TBL1Y: variants seen among roughly 807,000 people sequenced by gnomAD.
The protein encoded by TBL1Y is transducin beta like 1 Y-linked, also known as F-box-like/WD repeat-containing protein TBL1Y.
TBL1Y carries 15 observed loss-of-function variants against 12.0 expected under a neutral mutation model. The ratio of observed to expected loss-of-function variants is 1.25; its 90% CI spans 0.83 to 1.92. The LOEUF is 1.92. Among genes scored for constraint, TBL1Y ranks in the 40% most tolerant of loss-of-function variants. The probability of loss-of-function intolerance (pLI) is 0.00; values close to 1 mark genes in which losing one functional copy is unlikely to be tolerated. For synonymous variants in TBL1Y, 53 were observed against 42.6 expected, an observed-to-expected ratio of 1.24 and a Z score of -0.95; for missense variants, 148 against 116.7, an observed-to-expected ratio of 1.27 and a Z score of -1.24.
chrY:6,953,964 G>A, intron 2 of TBL1Y, among the ~76,000 whole-genome samples: 3 of 33,953 alleles, frequency 8.8e-5, no homozygotes, highest in Admixed American at 5.3e-4. Flanking sequence ...GTTTGCCTGG[G>A]TATCAGTAGT....
chrY:7,091,674 T>C lies in TBL1Y; in HGVS notation c.*182T>C. ...ACAGGAGTGTATATGTTTCATAATC[T>C]TTATCAAGAAGTTTGTTGTTTTTTT... On this transcript the variant is annotated 3_prime_UTR_variant, in exon 19 of 19. Coordinates refer to ENST00000383032, the MANE Select transcript of TBL1Y (RefSeq NM_033284.2). 1.1e-5 allele frequency: 1 copy of C among 90,962 alleles called. No individual in the cohort carries two copies. The highest frequency in any genetic ancestry group is 2.0e-5 in the Non-Finnish European group (1 of 49,652). 22.7% of individuals were successfully genotyped at this position (90,962 alleles called of 400,897 possible).
intron 8 of TBL1Y, among the ~76,000 whole-genome samples, chrY:7,066,799 G>A: frequency 3.2e-5 from 1 of 31,112 alleles, no homozygotes; most frequent in African/African-American, 1.3e-4. Flanking sequence ...GAAAGACCTC[G>A]GCTTTACAGA....
chrY:7,069,011 T>A, intron 8 of TBL1Y, among the ~76,000 whole-genome samples: 1 of 28,878 alleles, frequency 3.5e-5, no homozygotes, highest in Middle Eastern at 0.015. Context: ...TGGCAAGAGA[T>A]TTTTTTATTT....
At chrY:6,922,352 CG>C (rs2011786233) in intron 2 of TBL1Y, among the ~76,000 whole-genome samples, 9 of 34,377 alleles carry the variant, frequency 2.6e-4, no homozygotes, top group Non-Finnish European at 6.5e-4. Flanking sequence ...CTGATTGGTC[CG>C]TTTTGCAGAA....
intron 2 of TBL1Y, among the ~76,000 whole-genome samples, chrY:6,922,369 A>G: frequency 2.9e-5 from 1 of 34,475 alleles, no homozygotes; most frequent in Non-Finnish European, 7.3e-5. Context: ...CAGAAAGCCA[A>G]TTGGTCTGTT....
chrY:6,925,379 T>C (rs993254469), intron 2 of TBL1Y, among the ~76,000 whole-genome samples: 8 of 33,699 alleles, frequency 2.4e-4, no homozygotes, highest in Non-Finnish European at 4.4e-4. Flanking sequence ...AATTGAATCA[T>C]GAAGGTGGTT....
intron 2 of TBL1Y, among the ~76,000 whole-genome samples, chrY:6,967,348 A>C: frequency 1.2e-4 from 4 of 33,081 alleles, no homozygotes; most frequent in Non-Finnish European, 3.0e-4. Context: ...AGATTGAAGA[A>C]AATTACTATA....
Position 6,936,851 on chromosome Y carries a change from T to C in TBL1Y, c.-266+24679T>C, listed in dbSNP as rs771817981. On this transcript the variant is annotated intron_variant, in intron 2 of 18. Transcript: ENST00000383032. ...ATTCCAGGCTCTGTAAGGAGGCTTA[T>C]CTTTTTAGGATGGTTAAATTTTAGA... 2.7e-4 allele frequency among the ~76,000 whole-genome samples: 9 copies of C among 33,311 alleles called. No individual in the cohort carries two copies. In the East Asian group the frequency reaches 7.2e-3, roughly 27 times the overall value. 89.4% of individuals were successfully genotyped at this position (33,311 alleles called of 37,273 possible).
intron 3 of TBL1Y, among the ~76,000 whole-genome samples, chrY:6,980,976 T>C (rs999875212): frequency 5.9e-5 from 2 of 33,808 alleles, no homozygotes; most frequent in Non-Finnish European, 1.5e-4. Context: ...GTCCAGTGCG[T>C]ACCTTATTAG....
chrY:6,958,744 T>C (rs2012088911), intron 2 of TBL1Y, among the ~76,000 whole-genome samples: 1 of 33,919 alleles, frequency 2.9e-5, no homozygotes, highest in Non-Finnish European at 7.3e-5. Context: ...TTTATGTTTC[T>C]CTCCACCCAA....
At chrY:7,082,995 T>A (rs767846107) in intron 14 of TBL1Y, among the ~76,000 whole-genome samples, 1 of 33,867 alleles carries the variant, frequency 3.0e-5, no homozygotes, top group Admixed American at 2.7e-4. Context: ...AAGGCACTTT[T>A]AGAGCACAGG....
At chrY:6,978,995 CA>C (rs2012264916) in intron 3 of TBL1Y, among the ~76,000 whole-genome samples, 2 of 32,222 alleles carry the variant, frequency 6.2e-5, no homozygotes, top group Non-Finnish European at 1.5e-4. Context: ...AGTGTAGTGG[CA>C]TGATATCGTC....
intron 2 of TBL1Y, among the ~76,000 whole-genome samples, chrY:6,977,368 A>C (rs746964601): frequency 3.0e-5 from 1 of 33,365 alleles, no homozygotes; most frequent in South Asian, 6.9e-4. Context: ...CCCAAAGTGA[A>C]ATACACAAGT....
intron 2 of TBL1Y, among the ~76,000 whole-genome samples, chrY:6,959,905 T>C (rs1004968715): frequency 3.9e-4 from 13 of 33,710 alleles, no homozygotes; most frequent in African/African-American, 1.2e-3. Flanking sequence ...GATTTGTCAA[T>C]TTTTGATCTG....
Position 7,076,524 on chromosome Y carries a change from C to T in TBL1Y, c.955+1904C>T, listed in dbSNP as rs780394210. ...GCTCACTCTTCCAGGAGGAACACAG[C>T]TGTGAAGAGCTGTGAGGAGTGCCTT... On this transcript the variant is annotated intron_variant, in intron 13 of 18. Transcript: ENST00000383032. 5.3e-3 allele frequency among the ~76,000 whole-genome samples: 173 copies of T among 32,856 alleles called. No individual in the cohort carries two copies. The East Asian group carries it at 0.14, about 27-fold the overall frequency. The allele number at this position is 32,856 out of a possible 37,273, so 88.1% of individuals were successfully genotyped here.
At chrY:7,077,518 G>C in intron 13 of TBL1Y, among the ~76,000 whole-genome samples, 1 of 33,732 alleles carries the variant, frequency 3.0e-5, no homozygotes, top group Admixed American at 2.7e-4. Context: ...CACATTTCCA[G>C]GTATATTAAT....
In TBL1Y at chrY:7,085,955, G is replaced by A. The variant is rs751838560; in HGVS notation, c.1135G>A (p.Asp379Asn). Residue 379 changes from aspartate (D) to asparagine (N), a missense_variant, in exon 15 of 19, where the codon GAT (aspartate) becomes AAT (asparagine). Asp to Asn is a conservative substitution (Grantham distance 23, BLOSUM62 1). Transcript: ENST00000383032. The stretch of plus-strand genomic sequence containing the variant: ...TGGAATGTTGCTGGCGTCCTGCTCG[G>A]ATGACATGACATTGAAGGTAGAGTC... ...PSGMLLASCS[D>N]DMTLKIWSMK... 16 of 398,298 alleles carry A rather than the reference G, an allele frequency of 4.0e-5. No individual in the cohort carries two copies. The South Asian group carries it at 4.2e-4, about 10-fold the overall frequency.
chrY:7,050,369 C>A (rs2012789708), intron 7 of TBL1Y, among the ~76,000 whole-genome samples: 1 of 30,287 alleles, frequency 3.3e-5, no homozygotes, highest in Non-Finnish European at 7.8e-5. Context: ...ATGGCGCATG[C>A]CTATAATCCC....
intron 2 of TBL1Y, among the ~76,000 whole-genome samples, chrY:6,934,089 GA>G (rs2011885111): frequency 2.2e-4 from 6 of 27,666 alleles, no homozygotes; most frequent in East Asian, 9.3e-4. Context: ...AGTTTTGAAG[GA>G]AAAAAAAAAA....
Sources: gnomAD v4.1 joint callset for allele counts (sites outside exome capture counted in the v4.1 genomes callset) on GRCh38, gnomAD v4.1.1 for gene constraint, MANE v1.5 for transcripts, NCBI Gene and HGNC (gene_info 2026-07-23, HGNC 2026-07-21) for gene names.